Variants in CD8B2 observed in about 807,000 individuals in gnomAD.
The protein encoded by CD8B2 is CD8B family member 2.
CD8B2 carries 11 observed loss-of-function variants against 23.7 expected under a neutral mutation model. That is an observed-to-expected ratio of 0.46 (90% CI 0.29 to 0.77). CD8B2 has a LOEUF of 0.77. Ranked by LOEUF, CD8B2 falls within the 30% of genes least tolerant of loss-of-function variation. The probability of loss-of-function intolerance (pLI) is 0.09; values close to 1 mark genes in which losing one functional copy is unlikely to be tolerated. For synonymous variants in CD8B2, 90 were observed against 109.3 expected, an observed-to-expected ratio of 0.82 and a Z score of 1.10; for missense variants, 197 against 270.5, an observed-to-expected ratio of 0.73 and a Z score of 1.91.
At position 106,507,376 on chromosome 2, in the gene CD8B2, G is replaced by A. The variant is rs908290535; in HGVS notation, c.*436G>A. 1.0e-6 allele frequency: 1 copy of A among 987,414 alleles called. No individual in the cohort carries two copies. Among genetic ancestry groups the A allele is most frequent in the African/African-American group, 1.7e-5 (1 of 57,344 alleles). 61.2% of individuals were successfully genotyped at this position (987,414 alleles called of 1,614,324 possible). On this transcript the variant is annotated 3_prime_UTR_variant, in exon 6 of 6. Coordinates refer to ENST00000643224, the MANE Select transcript of CD8B2 (RefSeq NM_001349727.2). ...GGCTCCCTCTTGGTCTTCCCAGGCT[G>A]GGGCTGACCTTCCTCGCAGAGAGGC...
intron 5 of CD8B2, among the ~76,000 whole-genome samples, chr2:106,534,494 CGGAGG>C (rs1680056485): frequency 6.6e-6 from 1 of 152,110 alleles, no homozygotes; most frequent in Non-Finnish European, 1.5e-5. Context: ...AAGAAGCAAA[CGGAGG>C]GGTGATAATG....
intron 4 of CD8B2, among the ~76,000 whole-genome samples, chr2:106,503,156 AGCCGGAGGGGAGGCCT>A (rs568145187): frequency 9.0e-4 from 136 of 151,684 alleles, no homozygotes; most frequent in African/African-American, 3.2e-3. Context: ...AAAGACGGGG[AGCCGGAGGGGAGGCCT>A]GCATGGCTGC....
At chr2:106,490,743 C>T in intron 1 of CD8B2, 131 bp from the exon 2 acceptor site, 1 of 1,474,974 alleles carries the variant, frequency 6.8e-7, no homozygotes, top group Non-Finnish European at 9.0e-7. Flanking sequence ...GTGCTCAACA[C>T]ACTCCCTGGA....
intron 2 of CD8B2, among the ~76,000 whole-genome samples, chr2:106,495,190 G>A (rs574102593): frequency 1.3e-5 from 2 of 152,062 alleles, no homozygotes; most frequent in African/African-American, 2.4e-5. Flanking sequence ...GGAAATCAAG[G>A]CACAGAAAAA....
rs142475059 is a variant in CD8B2 at position 106,525,516 on chromosome 2, A to G, written c.621-18476A>G. ...TTAAGCATTTTAAAGTGAACAGTTC[A>G]TGGCATTTAGTGCAGTGATAGACTG... On this transcript the variant is annotated intron_variant, in intron 5 of 5. Transcript: ENST00000416057. Among the ~76,000 whole-genome samples, 251 of 152,358 alleles carry G rather than the reference A, an allele frequency of 1.6e-3. 2 individuals carry two copies. Among genetic ancestry groups the G allele is most frequent in the African/African-American group, 5.7e-3 (237 of 41,580 alleles).
intron 5 of CD8B2, among the ~76,000 whole-genome samples, chr2:106,529,261 G>A (rs6715265): frequency 0.83 from 126,088 of 152,208 alleles, 53,139 homozygotes; most frequent in East Asian, 1. Flanking sequence ...AGACTCCAAA[G>A]GGAAAGGGAA....
intron 5 of CD8B2, among the ~76,000 whole-genome samples, chr2:106,531,407 A>G (rs1051400615): frequency 2.6e-5 from 4 of 152,214 alleles, no homozygotes; most frequent in Admixed American, 2.6e-4. Context: ...AGACGCTGAA[A>G]CGGGCAGGTG....
intron 5 of CD8B2, among the ~76,000 whole-genome samples, chr2:106,519,441 C>G (rs993414044): frequency 2.0e-5 from 3 of 152,198 alleles, no homozygotes; most frequent in African/African-American, 7.2e-5. Flanking sequence ...ATCACTGAAC[C>G]AGGCCCTGTA....
intron 5 of CD8B2, among the ~76,000 whole-genome samples, chr2:106,535,898 C>T (rs996109063): frequency 1.3e-5 from 2 of 152,094 alleles, no homozygotes; most frequent in Non-Finnish European, 2.9e-5. Context: ...GTGCAGGAAG[C>T]ATAGAGGCTT....
chr2:106,539,162 G>A (rs1411484199), intron 5 of CD8B2, among the ~76,000 whole-genome samples: 2 of 152,184 alleles, frequency 1.3e-5, no homozygotes, highest in East Asian at 3.9e-4. Flanking sequence ...GGCACATGAA[G>A]CACTTAGCAG....
intron 3 of CD8B2, among the ~76,000 whole-genome samples, chr2:106,501,739 G>T (rs1475635069): frequency 6.6e-6 from 1 of 152,096 alleles, no homozygotes; most frequent in Non-Finnish European, 1.5e-5. Context: ...AATTACATAG[G>T]CATGGAAAGA....
chr2:106,540,170 C>T (rs931237496), intron 5 of CD8B2, among the ~76,000 whole-genome samples: 2 of 151,604 alleles, frequency 1.3e-5, no homozygotes, highest in African/African-American at 4.9e-5. Context: ...TGCAGAGAAT[C>T]GTTTATGTAG....
At chr2:106,537,448 G>A (rs1394733702) in intron 5 of CD8B2, among the ~76,000 whole-genome samples, 2 of 151,982 alleles carry the variant, frequency 1.3e-5, no homozygotes, top group Non-Finnish European at 2.9e-5. Flanking sequence ...ACCAAGACAC[G>A]ACATCTTAAA....
chr2:106,491,268 G>C, intron 2 of CD8B2, 35 bp downstream of exon 2: 1 of 1,470,416 alleles, frequency 6.8e-7, no homozygotes, highest in Non-Finnish European at 9.4e-7. Context: ...AGTGAGCACC[G>C]ACTGTGTGCC....
At chr2:106,533,268 A>T (rs1007138600) in intron 5 of CD8B2, among the ~76,000 whole-genome samples, 2 of 152,206 alleles carry the variant, frequency 1.3e-5, no homozygotes, top group Non-Finnish European at 2.9e-5. Context: ...TTGCTCTAAC[A>T]TCATGGAGAG....
At chr2:106,499,688 A>G (rs1441526112) in intron 3 of CD8B2, among the ~76,000 whole-genome samples, 1 of 151,902 alleles carries the variant, frequency 6.6e-6, no homozygotes, top group Non-Finnish European at 1.5e-5. Context: ...CACCCCAGTA[A>G]GATTCCCTGT....
chr2:106,502,344 C>T (rs560393666), intron 3 of CD8B2, 130 bp from the exon 4 acceptor site: 41 of 454,300 alleles, frequency 9.0e-5, no homozygotes, highest in African/African-American at 6.3e-4. Context: ...TACATTACAT[C>T]GAAATACAAA....
intron 1 of CD8B2, among the ~76,000 whole-genome samples, chr2:106,490,079 G>A (rs1679161478): frequency 1.3e-5 from 2 of 151,972 alleles, no homozygotes; most frequent in African/African-American, 4.8e-5. Context: ...CGGGGGTCAT[G>A]GGCTGTAATT....
At chr2:106,530,844 A>G (rs1013512351) in intron 5 of CD8B2, among the ~76,000 whole-genome samples, 10 of 152,210 alleles carry the variant, frequency 6.6e-5, no homozygotes, top group African/African-American at 1.9e-4. Context: ...ACCTCTGGTC[A>G]TCCTCATTGC....
Sources: gnomAD v4.1 joint callset for allele counts (sites outside exome capture counted in the v4.1 genomes callset) on GRCh38, gnomAD v4.1.1 for gene constraint, MANE v1.5 for transcripts, NCBI Gene and HGNC (gene_info 2026-07-23, HGNC 2026-07-21) for gene names.